FCRL2: variants seen among roughly 807,000 people sequenced by gnomAD.
FCRL2 encodes the protein Fc receptor like 2.
A neutral mutation model predicts 59.8 loss-of-function variants in FCRL2; 48 were observed. The ratio of observed to expected loss-of-function variants is 0.80; its 90% CI spans 0.64 to 1.02. The LOEUF is 1.02. Among genes scored for constraint, FCRL2 ranks in the 50% least tolerant of loss-of-function variants. The pLI, the probability that FCRL2 is intolerant of heterozygous loss-of-function variation, is 0.00. For synonymous variants in FCRL2, 251 were observed against 229.5 expected, an observed-to-expected ratio of 1.09 and a Z score of -0.85; for missense variants, 658 against 597.3, an observed-to-expected ratio of 1.10 and a Z score of -1.06.
intron 4 of FCRL2, 45 bp downstream of exon 4, chr1:157,769,821 C>T: frequency 6.3e-7 from 1 of 1,589,386 alleles, no homozygotes; most frequent in Non-Finnish European, 8.6e-7. Context: ...GAAGCTATAA[C>T]ACTCCTATCT....
intron 10 of FCRL2, 95 bp from the exon 11 acceptor site, chr1:157,746,994 A>G (rs1647797785): frequency 1.6e-6 from 2 of 1,268,274 alleles, no homozygotes; most frequent in Admixed American, 3.8e-5. Flanking sequence ...TACTATGCTT[A>G]GTATGTGGAA....
At chr1:157,762,570 G>A (rs1649181166) in intron 7 of FCRL2, among the ~76,000 whole-genome samples, 1 of 152,144 alleles carries the variant, frequency 6.6e-6, no homozygotes, top group Non-Finnish European at 1.5e-5. Flanking sequence ...CAAGAGATTT[G>A]GACATCCAGA....
intron 9 of FCRL2, 113 bp downstream of exon 9, chr1:157,748,762 T>C: frequency 8.6e-7 from 1 of 1,169,170 alleles, no homozygotes; most frequent in Non-Finnish European, 1.3e-6. Flanking sequence ...TTATTGGGAA[T>C]GGCTGGGCCT....
intron 5 of FCRL2, chr1:157,768,077 A>C (rs1333717200): frequency 7.9e-6 from 2 of 252,100 alleles, no homozygotes; most frequent in African/African-American, 4.5e-5. Flanking sequence ...GAAGGAGATG[A>C]CATAAAATGA....
intron 7 of FCRL2, among the ~76,000 whole-genome samples, chr1:157,766,128 G>T (rs1649472735): frequency 6.6e-6 from 1 of 152,116 alleles, no homozygotes. Flanking sequence ...TATAAAAAAG[G>T]TGGCTAAAAA....
rs142862779 is a variant in FCRL2 at position 157,775,601 on chromosome 1, A to G, written c.52+174T>C. On this transcript the variant is annotated intron_variant, in intron 2 of 11. Transcript: ENST00000361516. ...AAGGCTAGGTGGTACCTGGTCACCC[A>G]GACATGCAAGTGGTGTTGGAAACAG... 1.2e-4 allele frequency among the ~76,000 whole-genome samples: 18 copies of G among 152,376 alleles called. 1 individual carries two copies. In the East Asian group the frequency reaches 3.3e-3, roughly 28 times the overall value.
intron 7 of FCRL2, among the ~76,000 whole-genome samples, chr1:157,754,888 T>TC (rs1379028830): frequency 6.6e-6 from 1 of 151,254 alleles, no homozygotes; most frequent in East Asian, 1.9e-4. Context: ...ATCACTTGAG[T>TC]CCAGCAGGTT....
rs139956304 is a variant in FCRL2, at chr1:157,746,774, C to T, written c.1489G>A (p.Asp497Asn). Residue 497 changes from aspartate to asparagine, a missense_variant and splice_region_variant, in exon 12 of 12, where the codon GAC (aspartate) becomes AAC (asparagine). Physicochemically the swap from Asp to Asn is conservative, Grantham distance 23 (BLOSUM62 1). Coordinates refer to ENST00000361516, the MANE Select transcript of FCRL2 (RefSeq NM_030764.4). The part of the protein sequence containing the change: ...ANIRTLLENK[D>N]SQVIYSSVKK... ...ACAGAAGAGTAGATGACTTGGGAGT[C>T]CTGGGAGAGACACACAGGAATAAAG... is the stretch of plus-strand genomic sequence containing the variant. 7.6e-5 allele frequency: 123 copies of T among 1,613,746 alleles called. No individual in the cohort carries two copies. The African/African-American group carries it at 1.2e-3, about 16-fold the overall frequency.
In FCRL2 at chr1:157,746,794, AT is replaced by A. The variant is rs1557850120; in HGVS notation, c.1489-21del. ...GGAGTCCTGGGAGAGACACACAGGA[AT>A]AAAGACTGAGGTGATCAAGAAAATA... is the stretch of plus-strand genomic sequence containing the variant. On this transcript the variant is annotated intron_variant, in intron 11 of 11. Coordinates refer to ENST00000361516, the MANE Select transcript of FCRL2 (RefSeq NM_030764.4). 6.2e-7 allele frequency: 1 copy of A among 1,613,802 alleles called. No individual in the cohort carries two copies. Among genetic ancestry groups the A allele is most frequent in the Non-Finnish European group, 8.5e-7 (1 of 1,179,660 alleles).
At chr1:157,752,015 T>C (rs1407944546) in intron 7 of FCRL2, among the ~76,000 whole-genome samples, 2 of 152,260 alleles carry the variant, frequency 1.3e-5, no homozygotes, top group Non-Finnish European at 2.9e-5. Context: ...CCTTTCCATA[T>C]TGCAGAAGGC....
Position 157,777,102 on chromosome 1 carries a change from G to A in FCRL2, c.-29C>T, listed in dbSNP as rs1416029812. 4 of 1,614,014 alleles carry A rather than the reference G, an allele frequency of 2.5e-6. No homozygotes were observed. The highest frequency in any genetic ancestry group is 3.4e-6 in the Non-Finnish European group (4 of 1,179,996). On this transcript the variant is annotated 5_prime_UTR_variant, in exon 1 of 12. Transcript: ENST00000361516. ...GACCTAATCCAGCTATTTGAAAAGA[G>A]ATGTACTCTTGGTCACCAACTGGAG...
intron 1 of FCRL2, among the ~76,000 whole-genome samples, chr1:157,776,540 A>G (rs943569671): frequency 2.6e-5 from 4 of 152,170 alleles, no homozygotes; most frequent in Non-Finnish European, 4.4e-5. Context: ...AAGTGCTAGG[A>G]TTACAGGTAT....
intron 7 of FCRL2, among the ~76,000 whole-genome samples, chr1:157,764,596 T>G (rs1319427229): frequency 6.6e-6 from 1 of 152,190 alleles, no homozygotes; most frequent in Non-Finnish European, 1.5e-5. Flanking sequence ...CTCAACAAAT[T>G]ATTAAAATCA....
chr1:157,773,895 AC>A (rs1207343858), intron 2 of FCRL2, among the ~76,000 whole-genome samples: 1 of 152,014 alleles, frequency 6.6e-6, no homozygotes, highest in African/African-American at 2.4e-5. Flanking sequence ...AATCATGCTG[AC>A]CCCCAGAGGG....
chr1:157,752,014 A>G (rs1398022849), intron 7 of FCRL2, among the ~76,000 whole-genome samples: 3 of 152,232 alleles, frequency 2.0e-5, no homozygotes, highest in Non-Finnish European at 4.4e-5. Flanking sequence ...CCCTTTCCAT[A>G]TTGCAGAAGG....
intron 7 of FCRL2, among the ~76,000 whole-genome samples, chr1:157,759,657 A>G (rs1648874128): frequency 6.6e-6 from 1 of 152,258 alleles, no homozygotes. Flanking sequence ...ACACTTCTCC[A>G]GAAAAGACAT....
chr1:157,765,118 G>T (rs1226685075), intron 7 of FCRL2, among the ~76,000 whole-genome samples: 2 of 151,968 alleles, frequency 1.3e-5, no homozygotes, highest in African/African-American at 4.8e-5. Flanking sequence ...AATCAGAAAC[G>T]AAAAAGCAGA....
chr1:157,763,291 G>A (rs1407917982), intron 7 of FCRL2, among the ~76,000 whole-genome samples: 1 of 152,158 alleles, frequency 6.6e-6, no homozygotes, highest in Non-Finnish European at 1.5e-5. Context: ...GGGAGGCCGG[G>A]GCAGGAGGGT....
chr1:157,769,945 T>C lies in FCRL2; in HGVS notation c.516A>G (p.Thr172=), dbSNP rs1649861203. ...TTTCTGCCTTGCACCAGTAAGACCC[T>C]GTGTCTTCACTCCACACGGCAGAAA... ...LQISAVWSED[T]GSYWCKAETV... is the part of the protein sequence containing the mutation. Residue 172 remains threonine (T), a synonymous_variant, in exon 4 of 12, where the codon ACA becomes ACG. Transcript: ENST00000361516. 1 of 1,614,188 alleles carries C rather than the reference T, an allele frequency of 6.2e-7. No homozygotes were observed. The highest frequency in any genetic ancestry group is 8.5e-7 in the Non-Finnish European group (1 of 1,180,016).
Sources: allele counts gnomAD v4.1 joint callset (sites outside exome capture counted in the v4.1 genomes callset), GRCh38; gene constraint gnomAD v4.1.1; transcripts MANE v1.5; gene names NCBI Gene and HGNC (gene_info 2026-07-23, HGNC 2026-07-21).